The following TMTC2 variants were observed in gnomAD, a reference collection of about 807,000 sequenced individuals.
The protein encoded by TMTC2 is transmembrane O-mannosyltransferase targeting cadherins 2.
TMTC2 carries 43 observed loss-of-function variants against 82.4 expected under a neutral mutation model. The ratio of observed to expected loss-of-function variants is 0.52; its 90% CI spans 0.41 to 0.67. TMTC2 has a LOEUF of 0.67. Ranked by LOEUF, TMTC2 falls within the 30% of genes least tolerant of loss-of-function variation. The pLI, the probability that TMTC2 is intolerant of heterozygous loss-of-function variation, is 0.00. For missense variants in TMTC2, 919 were observed against 1,012.4 expected, an observed-to-expected ratio of 0.91 and a Z score of 1.25; for synonymous variants, 408 against 381.9, an observed-to-expected ratio of 1.07 and a Z score of -0.80.
At chr12:83,055,883 TC>T (rs1428711688) in intron 10 of TMTC2, among the ~76,000 whole-genome samples, 1 of 151,974 alleles carries the variant, frequency 6.6e-6, no homozygotes, top group Non-Finnish European at 1.5e-5. Flanking sequence ...TTATAAATCT[TC>T]CTATCTTATA....
chr12:83,097,016 C>T (rs1884051130), intron 11 of TMTC2, among the ~76,000 whole-genome samples: 1 of 152,014 alleles, frequency 6.6e-6, no homozygotes, highest in South Asian at 2.1e-4. Flanking sequence ...GGGTAGGGTC[C>T]ATGTTTTTCT....
chr12:82,874,259 A>C (rs1293731680), intron 2 of TMTC2, among the ~76,000 whole-genome samples: 1 of 152,208 alleles, frequency 6.6e-6, no homozygotes, highest in East Asian at 1.9e-4. Context: ...GAGTTCTCAC[A>C]CAGGTTTTGC....
intron 1 of TMTC2, among the ~76,000 whole-genome samples, chr12:82,768,562 A>T (rs1033502387): frequency 6.6e-6 from 1 of 152,054 alleles, no homozygotes; most frequent in Non-Finnish European, 1.5e-5. Flanking sequence ...TTTTATTTAC[A>T]TCCCACAATG....
intron 1 of TMTC2, among the ~76,000 whole-genome samples, chr12:82,781,800 T>G (rs1877925392): frequency 1.3e-5 from 2 of 151,278 alleles, no homozygotes. Flanking sequence ...CTAATTTGCA[T>G]GGGTACCTTG....
chr12:82,704,957 G>A (rs768201860), intron 1 of TMTC2, among the ~76,000 whole-genome samples: 17 of 152,064 alleles, frequency 1.1e-4, no homozygotes, highest in Non-Finnish European at 2.4e-4. Context: ...ATCAATCAAC[G>A]AGTTAATAAA....
intron 1 of TMTC2, among the ~76,000 whole-genome samples, chr12:82,810,711 G>A (rs1879457169): frequency 6.6e-6 from 1 of 152,020 alleles, no homozygotes; most frequent in Non-Finnish European, 1.5e-5. Flanking sequence ...ACGTGTCAAG[G>A]GAGAGACCAG....
At chr12:82,950,304 C>A (rs925405919) in intron 4 of TMTC2, among the ~76,000 whole-genome samples, 4 of 152,122 alleles carry the variant, frequency 2.6e-5, no homozygotes, top group African/African-American at 9.7e-5. Flanking sequence ...AAGTATTAAT[C>A]TTTATTACTT....
intron 1 of TMTC2, among the ~76,000 whole-genome samples, chr12:82,852,101 C>CTT (rs11301265): frequency 2.9e-5 from 4 of 137,156 alleles, no homozygotes; most frequent in Non-Finnish European, 1.6e-5. Context: ...CAGAAACTAT[C>CTT]TTTTTTTTTT....
intron 11 of TMTC2, among the ~76,000 whole-genome samples, chr12:83,099,758 G>C (rs1043040007): frequency 6.6e-6 from 1 of 150,608 alleles, no homozygotes; most frequent in Non-Finnish European, 1.5e-5. Flanking sequence ...TTCCAATTTT[G>C]GGTAACCTTA....
intron 1 of TMTC2, among the ~76,000 whole-genome samples, chr12:82,805,802 G>A (rs1203003585): frequency 6.6e-6 from 1 of 152,052 alleles, no homozygotes; most frequent in East Asian, 1.9e-4. Flanking sequence ...ATCGCACCCA[G>A]CTGGCTTTTC....
intron 1 of TMTC2, among the ~76,000 whole-genome samples, chr12:82,829,345 T>G (rs922562170): frequency 2.6e-5 from 4 of 152,228 alleles, no homozygotes; most frequent in Admixed American, 6.5e-5. Context: ...TCCTTACCTC[T>G]CTATAATTTT....
At chr12:82,765,708 AACAAAC>A (rs1042390261) in intron 1 of TMTC2, among the ~76,000 whole-genome samples, 8 of 147,524 alleles carry the variant, frequency 5.4e-5, no homozygotes, top group Admixed American at 2.0e-4. Context: ...AAAACAAACA[AACAAAC>A]AAAAAAAAAC....
At position 83,134,472 on chromosome 12, in the gene TMTC2, G is replaced by C. The variant is rs1294165619; in HGVS notation, c.*2083G>C. 2 of 152,040 alleles carry C rather than the reference G, an allele frequency of 1.3e-5. No homozygotes were observed. Among genetic ancestry groups the C allele is most frequent in the Non-Finnish European group, 2.9e-5 (2 of 68,022 alleles). The allele number at this position is 152,040 out of a possible 1,614,324, so 9.4% of individuals were successfully genotyped here. On this transcript the variant is annotated 3_prime_UTR_variant, in exon 12 of 12. Coordinates refer to ENST00000321196, the MANE Select transcript of TMTC2 (RefSeq NM_152588.3). Reference sequence around the variant, plus strand: ...ATAGGTTCACTGAATGCACAGTTGAGGCACTTCTTGTGACACCAGTTCCCA... The same window carrying C: ...ATAGGTTCACTGAATGCACAGTTGACGCACTTCTTGTGACACCAGTTCCCA...
chr12:82,795,935 A>G (rs1378121876), intron 1 of TMTC2, among the ~76,000 whole-genome samples: 1 of 152,146 alleles, frequency 6.6e-6, no homozygotes, highest in Non-Finnish European at 1.5e-5. Flanking sequence ...TGATTAAGTG[A>G]TTTCCACTGC....
rs1303627601 is a variant in TMTC2 at position 82,966,700 on chromosome 12, G to A, written c.1870-219G>A. Among the ~76,000 whole-genome samples, 10 of 152,186 alleles carry A rather than the reference G, an allele frequency of 6.6e-5. No homozygotes were observed. In the East Asian group the frequency reaches 1.7e-3, roughly 27 times the overall value. The stretch of plus-strand genomic sequence containing the variant: ...GAGCATTGCCAACATTCGATGCCTC[G>A]TTAAGCTATGGCATTCTTCACTGAC... On this transcript the variant is annotated intron_variant, in intron 6 of 11. Transcript: ENST00000321196.
intron 1 of TMTC2, among the ~76,000 whole-genome samples, chr12:82,780,335 C>T (rs1387512940): frequency 6.6e-6 from 1 of 152,014 alleles, no homozygotes; most frequent in Non-Finnish European, 1.5e-5. Context: ...AAATAGCATA[C>T]TTTATTTTTT....
Position 82,741,680 on chromosome 12 carries a change from G to A in TMTC2, c.83+54011G>A, listed in dbSNP as rs568313217. Among the ~76,000 whole-genome samples, 12 of 152,322 alleles carry A rather than the reference G, an allele frequency of 7.9e-5. No individual in the cohort carries two copies. In the South Asian group the frequency reaches 8.3e-4, roughly 11 times the overall value. The stretch of plus-strand genomic sequence containing the variant: ...CTAGATAGTAGTGAAGGAAACCAAT[G>A]TGTAATCAAATAGAAGAAATTTCAT... On this transcript the variant is annotated intron_variant, in intron 1 of 11. Coordinates refer to ENST00000321196, the MANE Select transcript of TMTC2 (RefSeq NM_152588.3).
At chr12:83,116,537 A>G (rs1469987962) in intron 11 of TMTC2, among the ~76,000 whole-genome samples, 2 of 152,220 alleles carry the variant, frequency 1.3e-5, no homozygotes, top group African/African-American at 2.4e-5. Context: ...TAGTTGTACT[A>G]GTTTACATTG....
At chr12:83,105,335 A>G (rs574693766) in intron 11 of TMTC2, among the ~76,000 whole-genome samples, 7 of 152,032 alleles carry the variant, frequency 4.6e-5, no homozygotes, top group African/African-American at 1.7e-4. Context: ...CTTATTACCA[A>G]TTTTCTGTGT....
Sources: gnomAD v4.1 joint callset for allele counts (sites outside exome capture counted in the v4.1 genomes callset) on GRCh38, gnomAD v4.1.1 for gene constraint, MANE v1.5 for transcripts, NCBI Gene and HGNC (gene_info 2026-07-23, HGNC 2026-07-21) for gene names.